DAO: variants seen among roughly 807,000 people sequenced by gnomAD.
DAO encodes the protein D-amino-acid oxidase.
In DAO, 51 loss-of-function variants were observed where a neutral mutation model predicts 50.1. The observed-to-expected ratio is 1.02, with a 90% CI of 0.81 to 1.29. The LOEUF (loss-of-function observed/expected upper bound fraction) is 1.29. Ranked by LOEUF, DAO falls within the 50% of genes most tolerant of loss-of-function variation. The pLI is 0.00. For missense variants in DAO, 436 were observed against 439.4 expected (o/e 0.99, Z 0.07); for synonymous variants, 160 against 166.2 (o/e 0.96, Z 0.29).
Position 108,900,825 on chromosome 12 carries a change from C to T in DAO, c.*290C>T. On this transcript the variant is annotated 3_prime_UTR_variant, in exon 11 of 11. Transcript: ENST00000228476. ...AGGACAGCTCAGAAAATCAAAGAGG[C>T]CAACTGCCCAGAGCCACAGAAAATG... is the stretch of plus-strand genomic sequence containing the variant. 2.6e-6 allele frequency: 1 copy of T among 377,946 alleles called. No homozygotes were observed. Among genetic ancestry groups the T allele is most frequent in the South Asian group, 2.3e-5 (1 of 44,282 alleles). 23.4% of individuals were successfully genotyped at this position (377,946 alleles called of 1,614,324 possible).
intron 2 of DAO, 108 bp from the exon 3 acceptor site, chr12:108,887,342 T>C (rs1031244124): frequency 8.4e-6 from 7 of 832,324 alleles, no homozygotes; most frequent in Admixed American, 1.7e-5. Flanking sequence ...TTCTGGGTTT[T>C]GGACACACCC....
intron 2 of DAO, among the ~76,000 whole-genome samples, chr12:108,886,852 C>T (rs921692084): frequency 6.6e-6 from 1 of 152,218 alleles, no homozygotes; most frequent in East Asian, 1.9e-4. Context: ...CATCTAATGG[C>T]TCTGCCGTTT....
rs777190291 is a variant in DAO, at chr12:108,893,021, G to A, written c.492G>A (p.Val164=). The change falls in exon 6 of 11, where the codon GTG becomes GTA. Residue 164 remains valine (V), a synonymous_variant. Coordinates refer to ENST00000228476, the MANE Select transcript of DAO (RefSeq NM_001917.5). ...ERGVKFFQRK[V]ESFEEVAREG... is the part of the protein sequence containing the mutation. Reference sequence around the variant, plus strand: ...GAGTGAAGTTCTTCCAGCGGAAAGTGGAGTCTTTTGAGGAGGTGAGTTGCA... The same window carrying A: ...GAGTGAAGTTCTTCCAGCGGAAAGTAGAGTCTTTTGAGGAGGTGAGTTGCA... 1.2e-5 allele frequency: 19 copies of A among 1,613,906 alleles called. 1 individual carries two copies. In the South Asian group the frequency reaches 2.0e-4, roughly 17 times the overall value.
intron 7 of DAO, among the ~76,000 whole-genome samples, chr12:108,896,496 G>A (rs1483142218): frequency 6.6e-6 from 1 of 151,266 alleles, no homozygotes; most frequent in African/African-American, 2.4e-5. Flanking sequence ...GGGAAGATAA[G>A]CTTGTCATTG....
chr12:108,891,223 C>G (rs1055887675), intron 5 of DAO, among the ~76,000 whole-genome samples: 1 of 151,952 alleles, frequency 6.6e-6, no homozygotes, highest in African/African-American at 2.4e-5. Flanking sequence ...CCGAGGTGGG[C>G]AGATCACTTG....
chr12:108,884,642 C>A lies in DAO; in HGVS notation c.-9-356C>A, dbSNP rs528712325. On this transcript the variant is annotated intron_variant, in intron 1 of 10. Coordinates refer to ENST00000228476, the MANE Select transcript of DAO (RefSeq NM_001917.5). ...GCAGAGCTGAGTCCTGAAGCCAGAG[C>A]CCATCGCACTAACCACCGGCCTACC... Among the ~76,000 whole-genome samples the A allele has an allele frequency of 2.6e-5, 4 of 152,210 alleles. No individual in the cohort carries two copies. The East Asian group carries it at 7.7e-4, about 29-fold the overall frequency.
chr12:108,889,122 T>C (rs79815448), intron 3 of DAO, among the ~76,000 whole-genome samples: 1 of 151,936 alleles, frequency 6.6e-6, no homozygotes. Context: ...TTTTTTTTTT[T>C]TGAGATGAAG....
In DAO at chr12:108,900,388, C is replaced by G. The variant is rs757967086; in HGVS notation, c.913-16C>G. 2 of 1,613,700 alleles carry G rather than the reference C, an allele frequency of 1.2e-6. No homozygotes were observed. The highest frequency in any genetic ancestry group is 1.1e-5 in the South Asian group (1 of 91,032). Reference sequence around the variant, plus strand: ...TCCCTCTCGGACCTGGCCACCTTCTCTCTTGCCTCTCCTAGGTCATCCACA... The same window carrying G: ...TCCCTCTCGGACCTGGCCACCTTCTGTCTTGCCTCTCCTAGGTCATCCACA... On this transcript the variant is annotated splice_polypyrimidine_tract_variant and intron_variant, in intron 10 of 10. Transcript: ENST00000228476.
rs373913310 is a variant in DAO, at chr12:108,885,040, G to T, written c.34G>T (p.Gly12Trp). 1 of 1,614,060 alleles carries T rather than the reference G, an allele frequency of 6.2e-7. No homozygotes were observed. Among genetic ancestry groups the T allele is most frequent in the Non-Finnish European group, 8.5e-7 (1 of 1,180,008 alleles). ...GGTGGTGATTGGAGCAGGAGTCATC[G>T]GGCTGTCCACCGCCCTCTGCATCCA... ...RVVVIGAGVI[G>W]LSTALCIHER... The change falls in exon 2 of 11, where the codon GGG (glycine) becomes TGG (tryptophan). Residue 12 changes from glycine (G) to tryptophan (W), a missense_variant. Gly to Trp is a radical substitution (Grantham distance 184). Transcript: ENST00000228476.
intron 3 of DAO, among the ~76,000 whole-genome samples, chr12:108,889,099 T>C (rs970114931): frequency 7.0e-6 from 1 of 142,308 alleles, no homozygotes; most frequent in African/African-American, 2.8e-5. Context: ...CATAAGTCTC[T>C]GTCATTATCA....
chr12:108,885,334 C>T (rs1020855299), intron 2 of DAO, 134 bp downstream of exon 2: 12 of 883,414 alleles, frequency 1.4e-5, no homozygotes, highest in African/African-American at 6.7e-5. Context: ...AAATGCCAGG[C>T]GTGGTGGTTC....
In DAO at chr12:108,887,547, T is replaced by C. The variant is rs1280920238; in HGVS notation, c.292T>C (p.Phe98Leu). The change falls in exon 3 of 11, where the codon TTC (phenylalanine) becomes CTC (leucine). Residue 98 changes from phenylalanine (F) to leucine (L), a missense_variant. Phe to Leu is a conservative substitution (Grantham distance 22, BLOSUM62 0). Coordinates refer to ENST00000228476, the MANE Select transcript of DAO (RefSeq NM_001917.5). The stretch of plus-strand genomic sequence containing the variant: ...GTTCCTAATCTCGGGCTACAACCTC[T>C]TCCATGAAGCCATTCCGGTGGGTGA... ...GLFLISGYNL[F>L]HEAIPDPSWK... is the part of the protein sequence containing the mutation. 1 of 1,612,932 alleles carries C rather than the reference T, an allele frequency of 6.2e-7. No individual in the cohort carries two copies.
intron 7 of DAO, 89 bp downstream of exon 7, chr12:108,894,456 G>T: frequency 7.9e-6 from 9 of 1,135,866 alleles, no homozygotes; most frequent in Non-Finnish European, 1.2e-5. Context: ...GGACAAATCA[G>T]GAACATCTGT....
chr12:108,899,654 G>A lies in DAO; in HGVS notation c.912+179G>A. The A allele has an allele frequency of 2.5e-5, 17 of 672,164 alleles. No individual in the cohort carries two copies. The South Asian group carries it at 2.7e-4, about 11-fold the overall frequency. The allele number at this position is 672,164 out of a possible 1,614,324, so 41.6% of individuals were successfully genotyped here. ...GAAACTGAGGCTCAATGATGGTTAA[G>A]GACCTGCTCAAGGTTACATAGAGGG... On this transcript the variant is annotated intron_variant, in intron 10 of 10. Coordinates refer to ENST00000228476, the MANE Select transcript of DAO (RefSeq NM_001917.5).
intron 8 of DAO, 91 bp downstream of exon 8, chr12:108,897,179 A>G (rs1029014433): frequency 1.1e-6 from 1 of 869,626 alleles, no homozygotes; most frequent in Non-Finnish European, 2.0e-6. Context: ...TACTCCCTGC[A>G]GTTGTTCCCT....
At chr12:108,890,137 C>T in intron 4 of DAO, 71 bp from the exon 5 acceptor site, 20 of 1,305,338 alleles carry the variant, frequency 1.5e-5, no homozygotes, top group Non-Finnish European at 2.2e-5. Context: ...GCTCCCACCT[C>T]CATTTCACAG....
intron 7 of DAO, 44 bp downstream of exon 7, chr12:108,894,411 T>G (rs772487765): frequency 7.2e-7 from 1 of 1,387,998 alleles, no homozygotes; most frequent in Admixed American, 1.8e-5. Context: ...AATAGGAAGA[T>G]CATTCTGCAT....
At chr12:108,885,950 T>G (rs2039432224) in intron 2 of DAO, among the ~76,000 whole-genome samples, 2 of 152,184 alleles carry the variant, frequency 1.3e-5, no homozygotes, top group South Asian at 4.1e-4. Flanking sequence ...AGATGGAGTT[T>G]CATGTTGGCC....
At chr12:108,882,303 A>G (rs1322945714) in intron 1 of DAO, among the ~76,000 whole-genome samples, 1 of 152,210 alleles carries the variant, frequency 6.6e-6, no homozygotes, top group African/African-American at 2.4e-5. Flanking sequence ...ACCTGAGGTC[A>G]GAAGTTTGAG....
Sources: gnomAD v4.1 joint callset for allele counts (sites outside exome capture counted in the v4.1 genomes callset) on GRCh38, gnomAD v4.1.1 for gene constraint, MANE v1.5 for transcripts, NCBI Gene and HGNC (gene_info 2026-07-23, HGNC 2026-07-21) for gene names.